Variants in PMEPA1 observed in about 807,000 individuals in gnomAD.
PMEPA1 encodes prostate transmembrane protein, androgen induced 1.
PMEPA1 carries 11 observed loss-of-function variants against 23.0 expected under a neutral mutation model. The ratio of observed to expected loss-of-function variants is 0.48; its 90% confidence interval spans 0.30 to 0.79. The LOEUF (loss-of-function observed/expected upper bound fraction) is 0.79. Among genes scored for constraint, PMEPA1 ranks in the 30% least tolerant of loss-of-function variants. The pLI, the probability that PMEPA1 is intolerant of heterozygous loss-of-function variation, is 0.06. For synonymous variants in PMEPA1, 204 were observed against 166.4 expected (o/e 1.23, Z -1.74); for missense variants, 377 against 390.9 (o/e 0.96, Z 0.30).
chr20:57,695,119 C>T lies in PMEPA1; in HGVS notation c.109+14355G>A, dbSNP rs1359695293. On this transcript the variant is annotated intron_variant, in intron 1 of 3. Coordinates refer to ENST00000341744, the MANE Select transcript of PMEPA1 (RefSeq NM_020182.5). Reference sequence around the variant, plus strand: ...CTGTCTGGGAGGAAGGCAGCCTCGGCGTTTGCCGCCTCTGAGTAACCACCT... The same window carrying T: ...CTGTCTGGGAGGAAGGCAGCCTCGGTGTTTGCCGCCTCTGAGTAACCACCT... Among the ~76,000 whole-genome samples the T allele has an allele frequency of 4.6e-5, 7 of 152,258 alleles. No individual in the cohort carries two copies. The South Asian group carries it at 8.3e-4, about 18-fold the overall frequency.
At chr20:57,708,305 G>T (rs977423196) in intron 1 of PMEPA1, among the ~76,000 whole-genome samples, 1 of 152,210 alleles carries the variant, frequency 6.6e-6, no homozygotes, top group African/African-American at 2.4e-5. Flanking sequence ...GGTGGGGATG[G>T]GGAAACTAAA....
chr20:57,665,172 C>T (rs1258677144), intron 1 of PMEPA1, among the ~76,000 whole-genome samples: 10 of 152,104 alleles, frequency 6.6e-5, no homozygotes, highest in African/African-American at 2.2e-4. Flanking sequence ...ACACATGACC[C>T]GGGGCCACTG....
At chr20:57,658,690 G>A (rs532029014) in intron 2 of PMEPA1, among the ~76,000 whole-genome samples, 5 of 152,310 alleles carry the variant, frequency 3.3e-5, no homozygotes, top group African/African-American at 1.2e-4. Flanking sequence ...CTGAGGGCAC[G>A]TGGCCAGTAC....
At chr20:57,662,097 A>G (rs1387216751) in intron 1 of PMEPA1, among the ~76,000 whole-genome samples, 2 of 152,004 alleles carry the variant, frequency 1.3e-5, no homozygotes, top group Non-Finnish European at 2.9e-5. Flanking sequence ...ACTGCTAATG[A>G]GCCAGTGTTT....
At chr20:57,706,941 G>A (rs777532214) in intron 1 of PMEPA1, among the ~76,000 whole-genome samples, 28 of 152,186 alleles carry the variant, frequency 1.8e-4, no homozygotes, top group Non-Finnish European at 3.7e-4. Context: ...GGCTCAGCAG[G>A]GGAGAGGCCC....
At chr20:57,659,741 G>C in intron 1 of PMEPA1, 44 bp from the exon 2 acceptor site, 2 of 1,540,816 alleles carry the variant, frequency 1.3e-6, no homozygotes, top group Non-Finnish European at 1.8e-6. Context: ...GACACCTGCA[G>C]GTCGCTGTGC....
chr20:57,710,571 G>C, upstream of PMEPA1: 3 of 1,164,600 alleles, frequency 2.6e-6, no homozygotes, highest in Non-Finnish European at 3.7e-6. Context: ...GGACGACCAG[G>C]AAAGACGGGA....
At chr20:57,667,932 C>T (rs2071517227) in intron 1 of PMEPA1, among the ~76,000 whole-genome samples, 3 of 152,236 alleles carry the variant, frequency 2.0e-5, no homozygotes, top group Admixed American at 1.3e-4. Flanking sequence ...CTCCTGGTGC[C>T]ATTTCAAACA....
At chr20:57,688,340 C>T (rs549482994) in intron 1 of PMEPA1, among the ~76,000 whole-genome samples, 119 of 99,766 alleles carry the variant, frequency 1.2e-3, no homozygotes, top group African/African-American at 6.3e-3. Context: ...AGGAAGGAGA[C>T]ACTTCTTTGT....
Position 57,649,086 on chromosome 20 carries a change from A to G in PMEPA1, c.*2967T>C, listed in dbSNP as rs1288270260. 10 of 152,168 alleles carry G rather than the reference A, an allele frequency of 6.6e-5. No homozygotes were observed. 9.4% of individuals were successfully genotyped at this position (152,168 alleles called of 1,614,324 possible). On this transcript the variant is annotated 3_prime_UTR_variant, in exon 4 of 4. Coordinates refer to ENST00000341744, the MANE Select transcript of PMEPA1 (RefSeq NM_020182.5). ...GTGATTGACAGGCAGGGAGACAGTG[A>G]CAAGGCTAGAGAAAGCCACGCTCGG...
In PMEPA1 at chr20:57,705,681, G is replaced by A. The variant is rs1205219431; in HGVS notation, c.109+3793C>T. Among the ~76,000 whole-genome samples the A allele has an allele frequency of 3.9e-5, 6 of 152,308 alleles. No homozygotes were observed. In the South Asian group the frequency reaches 8.3e-4, roughly 21 times the overall value. On this transcript the variant is annotated intron_variant, in intron 1 of 3. Coordinates refer to ENST00000341744, the MANE Select transcript of PMEPA1 (RefSeq NM_020182.5). ...GGACGAACGTCTGACGGGAATTAAG[G>A]GTCTCCTGGCAACGCAGATGCTGCC... is the stretch of plus-strand genomic sequence containing the variant.
intron 1 of PMEPA1, among the ~76,000 whole-genome samples, chr20:57,668,433 G>T (rs1005942440): frequency 6.6e-6 from 1 of 152,190 alleles, no homozygotes; most frequent in South Asian, 2.1e-4. Context: ...CAAGAACTAC[G>T]AAAGTTAACT....
At chr20:57,667,442 C>A (rs2071509706) in intron 1 of PMEPA1, among the ~76,000 whole-genome samples, 1 of 152,128 alleles carries the variant, frequency 6.6e-6, no homozygotes, top group Admixed American at 6.5e-5. Flanking sequence ...ATAACGGGGG[C>A]AACAATGGGG....
chr20:57,682,815 C>T lies in PMEPA1; in HGVS notation c.110-23118G>A, dbSNP rs927741073. Among the ~76,000 whole-genome samples, 1 of 152,222 alleles carries T rather than the reference C, an allele frequency of 6.6e-6. No homozygotes were observed. Among genetic ancestry groups the T allele is most frequent in the African/African-American group, 2.4e-5 (1 of 41,458 alleles). On this transcript the variant is annotated intron_variant, in intron 1 of 3. Coordinates refer to ENST00000341744, the MANE Select transcript of PMEPA1 (RefSeq NM_020182.5). This position sits in a 1 kb window ranked among gnomAD's most constrained non-coding sequence, Gnocchi z 4.4. ...GAGCTGGGCTTTCTGCATGAGCAGG[C>T]CCCGCTGAAAAGGAAGGCGGCTCGC...
intron 1 of PMEPA1, among the ~76,000 whole-genome samples, chr20:57,663,871 C>T (rs1004784794): frequency 1.3e-5 from 2 of 152,276 alleles, no homozygotes; most frequent in South Asian, 2.1e-4. Context: ...AAATCTCCAT[C>T]CAGCTCCAGT....
In PMEPA1 at chr20:57,658,539, G is replaced by A. The variant is rs375833908; in HGVS notation, c.264+1004C>T. 1.1e-4 allele frequency among the ~76,000 whole-genome samples: 17 copies of A among 152,316 alleles called. No homozygotes were observed. The East Asian group carries it at 3.1e-3, about 28-fold the overall frequency. ...GATCTGTCAGGTGGATGGATGGATG[G>A]ATGGAAGTGCTTTTATAGCCAGTAA... On this transcript the variant is annotated intron_variant, in intron 2 of 3. Transcript: ENST00000341744.
upstream of PMEPA1, chr20:57,710,328 C>A (rs999151186): frequency 4.3e-6 from 4 of 935,822 alleles, no homozygotes; most frequent in African/African-American, 5.2e-5. Flanking sequence ...GTGCGCCCTC[C>A]CCTCGCCCCC....
intron 2 of PMEPA1, among the ~76,000 whole-genome samples, chr20:57,654,187 G>C (rs1200548846): frequency 6.6e-6 from 1 of 152,104 alleles, no homozygotes; most frequent in Non-Finnish European, 1.5e-5. Context: ...ATGACGGTGA[G>C]CCCTGGGCCC....
intron 2 of PMEPA1, among the ~76,000 whole-genome samples, chr20:57,654,361 C>G (rs895893489): frequency 1.3e-5 from 2 of 152,150 alleles, no homozygotes; most frequent in African/African-American, 4.8e-5. Context: ...CAAACGTTCC[C>G]TTGGGGCAGG....
Sources: gnomAD v4.1 joint callset for allele counts (sites outside exome capture counted in the v4.1 genomes callset) on GRCh38, gnomAD v4.1.1 for gene constraint, Gnocchi (gnomAD v3.1) non-coding constraint, MANE v1.5 for transcripts, NCBI Gene and HGNC (gene_info 2026-07-23, HGNC 2026-07-21) for gene names.